Variants in PRAME observed in about 807,000 individuals in gnomAD.
PRAME encodes the protein PRAME nuclear receptor transcriptional regulator.
In PRAME, 21 loss-of-function variants were observed where a neutral mutation model predicts 32.1. The ratio of observed to expected loss-of-function variants is 0.65; its 90% CI spans 0.46 to 0.94. The LOEUF (loss-of-function observed/expected upper bound fraction) is 0.94, where lower values mean the gene tolerates loss of function less well. Ranked by LOEUF, PRAME falls within the 40% of genes least tolerant of loss-of-function variation. The pLI, the probability that PRAME is intolerant of heterozygous loss-of-function variation, is 0.00. For synonymous variants in PRAME, 274 were observed against 251.5 expected, an observed-to-expected ratio of 1.09 and a Z score of -0.85; for missense variants, 651 against 622.3, an observed-to-expected ratio of 1.05 and a Z score of -0.49.
At position 22,548,304 on chromosome 22, in the gene PRAME, G is replaced by T. The variant is rs754271303; in HGVS notation, c.1293C>A (p.Ile431=). 3.1e-6 allele frequency: 5 copies of T among 1,613,538 alleles called. No homozygotes were observed. Among genetic ancestry groups the T allele is most frequent in the Non-Finnish European group, 4.2e-6 (5 of 1,179,874 alleles). ...SALQSLLQHL[I]GLSNLTHVLY... The stretch of plus-strand genomic sequence containing the variant: ...GCACGTGGGTCAGATTGCTCAGCCC[G>T]ATGAGGTGCTGCAGGAGACTCTGCA... Residue 431 remains isoleucine (I), a synonymous_variant, in exon 6 of 6, where the codon ATC becomes ATA. Coordinates refer to ENST00000405655, the MANE Select transcript of PRAME (RefSeq NM_206956.3).
chr22:22,549,597 C>T (rs1017349346), intron 5 of PRAME, 129 bp downstream of exon 5: 21 of 1,225,728 alleles, frequency 1.7e-5, no homozygotes, highest in South Asian at 9.8e-5. Context: ...GTGAACAAGA[C>T]GTGTTAACTG....
At position 22,548,254 on chromosome 22, in the gene PRAME, T is replaced by G. The variant is rs1257231182; in HGVS notation, c.1343A>C (p.Tyr448Ser). 1 of 1,613,822 alleles carries G rather than the reference T, an allele frequency of 6.2e-7. No homozygotes were observed. Among genetic ancestry groups the G allele is most frequent in the East Asian group, 2.2e-5 (1 of 44,784 alleles). ...HVLYPVPLES[Y>S]EDIHGTLHLE... ...GTGGAGGGTACCATGGATGTCCTCA[T>G]AACTCTCCAGGGGGACAGGATACAG... is the stretch of plus-strand genomic sequence containing the variant. Residue 448 changes from tyrosine to serine, a missense_variant, in exon 6 of 6, where the codon TAT (tyrosine) becomes TCT (serine). By Grantham distance (144) the Tyr-to-Ser change is moderately radical. Transcript: ENST00000405655.
At position 22,551,044 on chromosome 22, in the gene PRAME, G is replaced by A; in HGVS notation, c.67C>T (p.Pro23Ser). 1.2e-6 allele frequency: 2 copies of A among 1,607,290 alleles called. No homozygotes were observed. Among genetic ancestry groups the A allele is most frequent in the Non-Finnish European group, 1.7e-6 (2 of 1,175,736 alleles). ...CCTGCCAGCTCCACAAGTCTCCGTG[G>A]GCTTGTCCACACACTCATGCTGATG... ...RYISMSVWTSPRRLVELAGQS... is the reference protein window; with the variant it reads ...RYISMSVWTSSRRLVELAGQS... Residue 23 changes from proline (P) to serine (S), a missense_variant, in exon 4 of 6, where the codon CCA (proline) becomes TCA (serine). Transcript: ENST00000405655.
rs578159474 is a variant in PRAME at position 22,559,020 on chromosome 22, C to T, written c.-163G>A. ...GCTCCCGGGAGTCGGTTTCCCAGAACTTTCTGAGGCCCGCGCATGCTCCCC... is the reference window on the plus strand; with the variant it reads ...GCTCCCGGGAGTCGGTTTCCCAGAATTTTCTGAGGCCCGCGCATGCTCCCC... On this transcript the variant is annotated 5_prime_UTR_variant, in exon 1 of 6. Coordinates refer to ENST00000405655, the MANE Select transcript of PRAME (RefSeq NM_206956.3). 6.2e-6 allele frequency: 1 copy of T among 162,148 alleles called. No homozygotes were observed. Among genetic ancestry groups the T allele is most frequent in the South Asian group, 1.7e-4 (1 of 5,820 alleles). 10.0% of individuals were successfully genotyped at this position (162,148 alleles called of 1,614,324 possible). A position where few individuals can be genotyped will look rare whatever the true frequency, so the allele number is the denominator to read the frequency against.
chr22:22,553,396 G>C (rs1016406989), intron 3 of PRAME, among the ~76,000 whole-genome samples: 1 of 151,994 alleles, frequency 6.6e-6, no homozygotes, highest in Non-Finnish European at 1.5e-5. Flanking sequence ...AGTAAGGCTG[G>C]GCATTTGTAA....
In PRAME at chr22:22,548,306, T is replaced by C. The variant is rs765662844; in HGVS notation, c.1291A>G (p.Ile431Val). 5 of 1,613,558 alleles carry C rather than the reference T, an allele frequency of 3.1e-6. No individual in the cohort carries two copies. The highest frequency in any genetic ancestry group is 4.2e-6 in the Non-Finnish European group (5 of 1,179,878). ...ACGTGGGTCAGATTGCTCAGCCCGA[T>C]GAGGTGCTGCAGGAGACTCTGCAGG... The part of the protein sequence containing the change: ...SALQSLLQHL[I>V]GLSNLTHVLY... Residue 431 changes from isoleucine to valine, a missense_variant, in exon 6 of 6, where the codon ATC (isoleucine) becomes GTC (valine). Physicochemically the swap from Ile to Val is conservative, Grantham distance 29 (BLOSUM62 3). Coordinates refer to ENST00000405655, the MANE Select transcript of PRAME (RefSeq NM_206956.3).
intron 3 of PRAME, among the ~76,000 whole-genome samples, chr22:22,556,518 G>A (rs1020831099): frequency 2.0e-5 from 3 of 151,714 alleles, no homozygotes; most frequent in Admixed American, 6.6e-5. Flanking sequence ...CACAGTGTTA[G>A]CCAGGAATGG....
Position 22,550,888 on chromosome 22 carries a change from C to A in PRAME, c.223G>T (p.Ala75Ser). The change falls in exon 4 of 6, where the codon GCC (alanine) becomes TCC (serine). Residue 75 changes from alanine to serine, a missense_variant. Transcript: ENST00000405655. ...AGAGGGAGGCAGGTGAAGGGCCAGG[C>A]CTGCACCATTGCCTTCAGGGTCTGG... is the stretch of plus-strand genomic sequence containing the variant. ...HSQTLKAMVQAWPFTCLPLGV... is the reference protein window; with the variant it reads ...HSQTLKAMVQSWPFTCLPLGV... 1 of 1,613,872 alleles carries A rather than the reference C, an allele frequency of 6.2e-7. No individual in the cohort carries two copies. The highest frequency in any genetic ancestry group is 8.5e-7 in the Non-Finnish European group (1 of 1,179,956).
At position 22,550,885 on chromosome 22, in the gene PRAME, A is replaced by C; in HGVS notation, c.226T>G (p.Trp76Gly). The C allele has an allele frequency of 6.2e-7, 1 of 1,613,842 alleles. No individual in the cohort carries two copies. Among genetic ancestry groups the C allele is most frequent in the Non-Finnish European group, 8.5e-7 (1 of 1,179,934 alleles). Residue 76 changes from tryptophan (W) to glycine (G), a missense_variant, in exon 4 of 6, where the codon TGG (tryptophan) becomes GGG (glycine). By Grantham distance (184) the Trp-to-Gly change is radical. Transcript: ENST00000405655. ...SQTLKAMVQA[W>G]PFTCLPLGVL... ...CCCAGAGGGAGGCAGGTGAAGGGCC[A>C]GGCCTGCACCATTGCCTTCAGGGTC...
chr22:22,549,852 A>G lies in PRAME; in HGVS notation c.827T>C (p.Ile276Thr), dbSNP rs774030070. 2 of 1,613,850 alleles carry G rather than the reference A, an allele frequency of 1.2e-6. No homozygotes were observed. Among genetic ancestry groups the G allele is most frequent in the Non-Finnish European group, 1.7e-6 (2 of 1,179,958 alleles). The change falls in exon 5 of 6, where the codon ATT becomes ACT. Residue 276 changes from isoleucine to threonine, a missense_variant. Physicochemically the swap from Ile to Thr is moderately conservative, Grantham distance 89. Coordinates refer to ENST00000405655, the MANE Select transcript of PRAME (RefSeq NM_206956.3). ...LLSHIHASSY[I>T]SPEKEEQYIA... ...ATACTGCTCTTCCTTCTCCGGGGAA[A>G]TGTAGGAAGATGCATGGATGTGGGA...
intron 3 of PRAME, chr22:22,552,969 A>C (rs1350986062): frequency 8.5e-6 from 4 of 470,078 alleles, no homozygotes; most frequent in Non-Finnish European, 1.8e-5. Flanking sequence ...CGGAAGAGCC[A>C]AATCTAATTA....
At position 22,550,798 on chromosome 22, in the gene PRAME, C is replaced by G; in HGVS notation, c.313G>C (p.Asp105His). 1 of 1,603,354 alleles carries G rather than the reference C, an allele frequency of 6.2e-7. No homozygotes were observed. Among genetic ancestry groups the G allele is most frequent in the Admixed American group, 1.7e-5 (1 of 59,564 alleles). ...ETFKAVLDGLDVLLAQEVRPR... is the reference protein window; with the variant it reads ...ETFKAVLDGLHVLLAQEVRPR... ...CGAACCTCCTGGGCAAGGAGCACAT[C>G]AAGTCCATCAAGCACAGCTTTGAAG... is the stretch of plus-strand genomic sequence containing the variant. The change falls in exon 4 of 6, where the codon GAT becomes CAT. Residue 105 changes from aspartate to histidine, a missense_variant. By Grantham distance (81) the Asp-to-His change is moderately conservative. Coordinates refer to ENST00000405655, the MANE Select transcript of PRAME (RefSeq NM_206956.3).
intron 3 of PRAME, chr22:22,554,108 GA>G: frequency 1.0e-6 from 1 of 984,824 alleles, no homozygotes; most frequent in Non-Finnish European, 1.2e-6. Flanking sequence ...ACAAAAAATT[GA>G]AGTTATATTT....
chr22:22,551,110 CA>C, intron 3 of PRAME, 21 bp from the exon 4 acceptor site: 1 of 1,534,156 alleles, frequency 6.5e-7, no homozygotes, highest in Non-Finnish European at 8.8e-7. Context: ...ATACAGGGAA[CA>C]AGGCATCCCT....
chr22:22,555,368 C>A (rs1242923474), intron 3 of PRAME, among the ~76,000 whole-genome samples: 3 of 151,820 alleles, frequency 2.0e-5, no homozygotes, highest in Non-Finnish European at 1.5e-5. Context: ...TCCCAAGTAG[C>A]TAGGATTACA....
At chr22:22,552,405 CA>C (rs10709082) in intron 3 of PRAME, among the ~76,000 whole-genome samples, 68,818 of 121,410 alleles carry the variant, frequency 0.57, 17,877 homozygotes, top group Non-Finnish European at 0.67. Flanking sequence ...TTTTATTTTC[CA>C]AAAAAAAAAA....
At chr22:22,557,034 G>C in intron 2 of PRAME, 125 bp from the exon 3 acceptor site, 1 of 640,670 alleles carries the variant, frequency 1.6e-6, no homozygotes, top group Non-Finnish European at 2.7e-6. Context: ...ACTCAATCCC[G>C]CCCTTTCAGT....
rs1265740205 is a variant in PRAME at position 22,550,296 on chromosome 22, G to T, written c.383C>A (p.Ser128Tyr). ...KLQVLDLRKN[S>Y]HQDFWTVWSG... ...CCATACAGTCCAGAAGTCCTGATGA[G>T]AGTTCTTCCGTAAATCCAGCACTTG... The change falls in exon 5 of 6, where the codon TCT (serine) becomes TAT (tyrosine). Residue 128 changes from serine (S) to tyrosine (Y), a missense_variant. Coordinates refer to ENST00000405655, the MANE Select transcript of PRAME (RefSeq NM_206956.3). 6.2e-7 allele frequency: 1 copy of T among 1,613,220 alleles called. No individual in the cohort carries two copies. Among genetic ancestry groups the T allele is most frequent in the Non-Finnish European group, 8.5e-7 (1 of 1,179,848 alleles).
rs1025350752 is a variant in PRAME at position 22,559,002 on chromosome 22, G to A, written c.-145C>T. 4 of 161,098 alleles carry A rather than the reference G, an allele frequency of 2.5e-5. No homozygotes were observed. Among genetic ancestry groups the A allele is most frequent in the South Asian group, 3.5e-4 (2 of 5,658 alleles). The allele number at this position is 161,098 out of a possible 1,614,324, so 10.0% of individuals were successfully genotyped here. A position where few individuals can be genotyped will look rare whatever the true frequency, so the allele number is the denominator to read the frequency against. On this transcript the variant is annotated 5_prime_UTR_variant, in exon 1 of 6. Transcript: ENST00000405655. ...GAGCGCGCGTTCCTCCCTGCTCCCG[G>A]GAGTCGGTTTCCCAGAACTTTCTGA... is the stretch of plus-strand genomic sequence containing the variant.
Sources: allele counts gnomAD v4.1 joint callset (sites outside exome capture counted in the v4.1 genomes callset), GRCh38; gene constraint gnomAD v4.1.1; transcripts MANE v1.5; gene names NCBI Gene and HGNC (gene_info 2026-07-23, HGNC 2026-07-21).